The following NEDD4L variants were observed in gnomAD, a reference collection of about 807,000 sequenced individuals.
The protein encoded by NEDD4L is E3 ubiquitin-protein ligase NEDD4-like.
NEDD4L carries 54 observed loss-of-function variants against 148.9 expected under a neutral mutation model. The ratio of observed to expected loss-of-function variants is 0.36; its 90% CI spans 0.29 to 0.45. The LOEUF (loss-of-function observed/expected upper bound fraction) is 0.45, where lower values mean the gene tolerates loss of function less well. Among genes scored for constraint, NEDD4L ranks in the 20% least tolerant of loss-of-function variants. The probability of loss-of-function intolerance (pLI) is 1.00; values close to 1 mark genes in which losing one functional copy is unlikely to be tolerated. For synonymous variants in NEDD4L, 433 were observed against 440.7 expected, an observed-to-expected ratio of 0.98 and a Z score of 0.22; for missense variants, 856 against 1,233.8, an observed-to-expected ratio of 0.69 and a Z score of 4.59.
chr18:58,278,346 G>A (rs149593148), intron 5 of NEDD4L, among the ~76,000 whole-genome samples: 13 of 152,236 alleles, frequency 8.5e-5, no homozygotes, highest in East Asian at 7.7e-4. Context: ...TCTGTCTGGC[G>A]TCCAGGCCCT....
intron 2 of NEDD4L, among the ~76,000 whole-genome samples, chr18:58,198,527 G>A (rs1020754422): frequency 2.0e-5 from 3 of 152,160 alleles, no homozygotes; most frequent in African/African-American, 7.2e-5. Flanking sequence ...GGTCCTCTAA[G>A]GTGGAGTGTC....
At chr18:58,054,115 C>T (rs976855222) in intron 1 of NEDD4L, among the ~76,000 whole-genome samples, 2 of 152,084 alleles carry the variant, frequency 1.3e-5, no homozygotes, top group Admixed American at 6.5e-5. Flanking sequence ...CTGGAAGTTA[C>T]TTTGGTTTTT....
intron 1 of NEDD4L, among the ~76,000 whole-genome samples, chr18:58,059,662 G>A (rs569517311): frequency 6.6e-6 from 1 of 152,162 alleles, no homozygotes; most frequent in Non-Finnish European, 1.5e-5. Flanking sequence ...ACTTGGCTAG[G>A]TGTTGATGTA....
At chr18:58,096,768 T>G (rs755800445) in intron 1 of NEDD4L, among the ~76,000 whole-genome samples, 1 of 152,208 alleles carries the variant, frequency 6.6e-6, no homozygotes, top group Non-Finnish European at 1.5e-5. Flanking sequence ...AGAAACCAAC[T>G]CCATGCTTAT....
At chr18:58,233,931 C>T (rs894631839) in intron 2 of NEDD4L, among the ~76,000 whole-genome samples, 5 of 127,992 alleles carry the variant, frequency 3.9e-5, no homozygotes, top group African/African-American at 1.8e-4. Flanking sequence ...TGTATCTTCA[C>T]ATCGTCTTTC....
At chr18:58,290,362 C>T (rs1313454780) in intron 5 of NEDD4L, among the ~76,000 whole-genome samples, 1 of 152,190 alleles carries the variant, frequency 6.6e-6, no homozygotes, top group Non-Finnish European at 1.5e-5. Context: ...TAAAATAGAT[C>T]CAAACCCATT....
intron 1 of NEDD4L, among the ~76,000 whole-genome samples, chr18:58,077,307 C>A (rs2083221234): frequency 6.6e-6 from 1 of 151,442 alleles, no homozygotes; most frequent in East Asian, 2.0e-4. Flanking sequence ...GCTGGAGCTA[C>A]AGGCATGTAC....
chr18:58,081,011 G>A (rs80037067), intron 1 of NEDD4L, among the ~76,000 whole-genome samples: 7,340 of 152,068 alleles, frequency 0.048, 595 homozygotes, highest in African/African-American at 0.17. Flanking sequence ...AGTTGTCTGG[G>A]TCTTTGAAAG....
chr18:58,227,574 C>A (rs2044519011), intron 2 of NEDD4L, among the ~76,000 whole-genome samples: 1 of 152,200 alleles, frequency 6.6e-6, no homozygotes, highest in Non-Finnish European at 1.5e-5. Context: ...TGTCTAAGGG[C>A]TGGAGTCTGC....
At chr18:58,082,112 T>C (rs2083483778) in intron 1 of NEDD4L, among the ~76,000 whole-genome samples, 1 of 123,926 alleles carries the variant, frequency 8.1e-6, no homozygotes. Flanking sequence ...ATTTTTTTTT[T>C]TTTTTTTTTC....
chr18:58,062,802 C>T (rs1340066836), intron 1 of NEDD4L, among the ~76,000 whole-genome samples: 1 of 152,162 alleles, frequency 6.6e-6, no homozygotes, highest in Non-Finnish European at 1.5e-5. Context: ...TCTTGGCTAA[C>T]ACGGTGAAAC....
At chr18:58,290,618 A>G (rs889021911) in intron 5 of NEDD4L, among the ~76,000 whole-genome samples, 4 of 152,212 alleles carry the variant, frequency 2.6e-5, no homozygotes, top group African/African-American at 9.6e-5. Flanking sequence ...TGTGTGAGAA[A>G]AGAATTTCTG....
At chr18:58,049,088 G>A (rs1286293823) in intron 1 of NEDD4L, among the ~76,000 whole-genome samples, 2 of 152,112 alleles carry the variant, frequency 1.3e-5, no homozygotes, top group African/African-American at 4.8e-5. Context: ...ATGAGAAAAA[G>A]GATATTTTAG....
chr18:58,182,096 T>C, intron 2 of NEDD4L, among the ~76,000 whole-genome samples: 1 of 152,204 alleles, frequency 6.6e-6, no homozygotes, highest in South Asian at 2.1e-4. Context: ...GCTTGAGTTT[T>C]GTTTTTGATA....
At chr18:58,074,222 TTC>T (rs1365342140) in intron 1 of NEDD4L, among the ~76,000 whole-genome samples, 1 of 152,078 alleles carries the variant, frequency 6.6e-6, no homozygotes, top group Non-Finnish European at 1.5e-5. Flanking sequence ...ACTACTTGTA[TTC>T]TGTCATTTTG....
intron 13 of NEDD4L, among the ~76,000 whole-genome samples, chr18:58,337,225 A>G (rs1601419395): frequency 6.6e-6 from 1 of 152,242 alleles, no homozygotes; most frequent in African/African-American, 2.4e-5. Context: ...TTCTTTCCAC[A>G]GGCTTGGCAA....
intron 2 of NEDD4L, among the ~76,000 whole-genome samples, chr18:58,236,459 C>T (rs1212291776): frequency 6.6e-6 from 1 of 152,192 alleles, no homozygotes; most frequent in Non-Finnish European, 1.5e-5. Context: ...TCAGTGTCCT[C>T]CCAGACTCAC....
intron 1 of NEDD4L, among the ~76,000 whole-genome samples, chr18:58,055,736 A>G (rs4640267): frequency 0.51 from 78,104 of 152,076 alleles, 22,530 homozygotes; most frequent in East Asian, 0.85. Context: ...TGCAAAATAG[A>G]TGTTTCATTT....
At chr18:58,344,749 A>G (rs936107706) in intron 16 of NEDD4L, among the ~76,000 whole-genome samples, 6 of 152,182 alleles carry the variant, frequency 3.9e-5, no homozygotes, top group Non-Finnish European at 7.4e-5. Flanking sequence ...ACTTATTACC[A>G]TGGAACCCCT....
Sources: allele counts gnomAD v4.1 joint callset (sites outside exome capture counted in the v4.1 genomes callset), GRCh38; gene constraint gnomAD v4.1.1; transcripts MANE v1.5; gene names NCBI Gene and HGNC (gene_info 2026-07-23, HGNC 2026-07-21).